CELSR1: variants seen among roughly 807,000 people sequenced by gnomAD.
The protein encoded by CELSR1 is adhesion G protein-coupled receptor C1.
A neutral mutation model predicts 249.1 loss-of-function variants in CELSR1; 110 were observed. The ratio of observed to expected loss-of-function variants is 0.44; its 90% CI spans 0.38 to 0.52. The LOEUF is 0.52. CELSR1 is among the 20% of genes least tolerant of loss of function. The pLI is 0.00. For missense variants in CELSR1, 4,109 were observed against 4,296.4 expected (o/e 0.96, Z 1.22); for synonymous variants, 2,113 against 1,900.0 (o/e 1.11, Z -2.92).
rs886653758 is a variant in CELSR1 at position 46,484,493 on chromosome 22, T to C, written c.3545-20148A>G. Among the ~76,000 whole-genome samples, 4 of 151,518 alleles carry C rather than the reference T, an allele frequency of 2.6e-5. No individual in the cohort carries two copies. The highest frequency in any genetic ancestry group is 9.7e-5 in the African/African-American group (4 of 41,244). On this transcript the variant is annotated intron_variant, in intron 1 of 34. Transcript: ENST00000674500. The surrounding 1 kb of genome is among the most constrained non-coding windows in gnomAD (Gnocchi z 4.5). ...AATTTCACAGAGACCTCTTTTGAAA[T>C]GCAAATACCAGGGAGAGGCTATATT...
intron 1 of CELSR1, among the ~76,000 whole-genome samples, chr22:46,479,445 T>C (rs1296663873): frequency 6.6e-6 from 1 of 152,054 alleles, no homozygotes; most frequent in Non-Finnish European, 1.5e-5. Context: ...CTCAAGCAGA[T>C]GCCTCGTCTT....
chr22:46,405,278 G>C (rs1242863110), intron 9 of CELSR1, among the ~76,000 whole-genome samples: 1 of 150,842 alleles, frequency 6.6e-6, no homozygotes, highest in African/African-American at 2.4e-5. Flanking sequence ...GGCTAACCCG[G>C]TGAAACCCTG....
chr22:46,439,469 A>T lies in CELSR1; in HGVS notation c.4184-58T>A, dbSNP rs1163116134. 4.8e-6 allele frequency: 7 copies of T among 1,464,794 alleles called. No individual in the cohort carries two copies. In the East Asian group the frequency reaches 1.7e-4, roughly 36 times the overall value. The allele number at this position is 1,464,794 out of a possible 1,614,324, so 90.7% of individuals were successfully genotyped here. On this transcript the variant is annotated intron_variant, in intron 2 of 34. Coordinates refer to ENST00000674500, the MANE Select transcript of CELSR1 (RefSeq NM_001378328.1). ...GTTACCGACCAGCCAGGGAAAAGCC[A>T]ACGAGCCTGTCGCAGACCCTGGACA...
At position 46,464,194 on chromosome 22, in the gene CELSR1, G is replaced by A. The variant is rs372330176; in HGVS notation, c.3696C>T (p.Ala1232=). 47 of 1,613,504 alleles carry A rather than the reference G, an allele frequency of 2.9e-5. No homozygotes were observed. The highest frequency in any genetic ancestry group is 3.4e-5 in the Non-Finnish European group (40 of 1,180,032). The part of the protein sequence containing the change: ...PLLALFVEGV[A]AVLSTTKDDV... ...CGTCCTTGGTGGTGGACAGCACGGC[G>A]GCCACCCCCTCCACGAAGAGGGCCA... The change falls in exon 2 of 35, where the codon GCC becomes GCT. Residue 1232 remains alanine, a synonymous_variant. Transcript: ENST00000674500. This position sits in a 1 kb window ranked among gnomAD's most constrained non-coding sequence, Gnocchi z 8.5.
rs562318508 is a variant in CELSR1, at chr22:46,529,129, G to A, written c.3544+4498C>T. 3.5e-4 allele frequency among the ~76,000 whole-genome samples: 53 copies of A among 151,598 alleles called. No individual in the cohort carries two copies. The South Asian group carries it at 0.01, about 30-fold the overall frequency. ...AAATACAAAAAAATTAGCTGGGTGTGGTGGCGGGTACCTGTAGTCCCAGCT... is the reference window on the plus strand; with the variant it reads ...AAATACAAAAAAATTAGCTGGGTGTAGTGGCGGGTACCTGTAGTCCCAGCT... On this transcript the variant is annotated intron_variant, in intron 1 of 34. Transcript: ENST00000674500.
At chr22:46,371,049 G>A (rs1471846700) in intron 25 of CELSR1, among the ~76,000 whole-genome samples, 2 of 152,210 alleles carry the variant, frequency 1.3e-5, no homozygotes, top group African/African-American at 2.4e-5. Flanking sequence ...CTTCATCTCA[G>A]CGTCTCTCAC....
intron 18 of CELSR1, among the ~76,000 whole-genome samples, chr22:46,388,364 TAAAG>T (rs1234873811): frequency 6.7e-6 from 1 of 149,458 alleles, no homozygotes; most frequent in African/African-American, 2.5e-5. Flanking sequence ...AAAAAAGAAA[TAAAG>T]AAAAAGAAAC....
At chr22:46,392,850 C>T (rs772841901) in intron 14 of CELSR1, among the ~76,000 whole-genome samples, 3 of 152,152 alleles carry the variant, frequency 2.0e-5, no homozygotes, top group African/African-American at 4.8e-5. Context: ...TGAGCCACCA[C>T]GCCCTGCCTA....
intron 9 of CELSR1, among the ~76,000 whole-genome samples, chr22:46,400,530 C>T (rs140636692): frequency 6.6e-6 from 1 of 151,988 alleles, no homozygotes; most frequent in African/African-American, 2.4e-5. Context: ...CCGGCTACTC[C>T]GCAGGCTAAG....
intron 1 of CELSR1, among the ~76,000 whole-genome samples, chr22:46,495,277 T>C (rs2080402713): frequency 6.6e-6 from 1 of 152,228 alleles, no homozygotes; most frequent in African/African-American, 2.4e-5. Context: ...GTTACTGTAC[T>C]GAGTACTGTA....
chr22:46,425,839 C>A (rs571329669), intron 5 of CELSR1, among the ~76,000 whole-genome samples: 1 of 151,846 alleles, frequency 6.6e-6, no homozygotes, highest in Non-Finnish European at 1.5e-5. Flanking sequence ...TGTTCTTATT[C>A]TAGGTTCTTG....
At chr22:46,474,453 C>A (rs1271555934) in intron 1 of CELSR1, among the ~76,000 whole-genome samples, 1 of 152,152 alleles carries the variant, frequency 6.6e-6, no homozygotes, top group African/African-American at 2.4e-5. Flanking sequence ...CGGCGGCCAG[C>A]ACCCACCCCA....
Position 46,517,471 on chromosome 22 carries a change from G to A in CELSR1, c.3544+16156C>T, listed in dbSNP as rs2080639931. On this transcript the variant is annotated intron_variant, in intron 1 of 34. Transcript: ENST00000674500. This position sits in a 1 kb window ranked among gnomAD's most constrained non-coding sequence, Gnocchi z 5.4. ...TTCCACGGGGCACAAGGCGGTATCT[G>A]GAGGGTAGAACCACAATGGCTGATG... 6.6e-6 allele frequency among the ~76,000 whole-genome samples: 1 copy of A among 152,214 alleles called. No individual in the cohort carries two copies. The highest frequency in any genetic ancestry group is 2.4e-5 in the African/African-American group (1 of 41,448).
rs1185426848 is a variant in CELSR1, at chr22:46,374,582, C to G, written c.7585-1525G>C. 2.6e-5 allele frequency among the ~76,000 whole-genome samples: 4 copies of G among 152,188 alleles called. No individual in the cohort carries two copies. Among genetic ancestry groups the G allele is most frequent in the Non-Finnish European group, 5.9e-5 (4 of 68,038 alleles). On this transcript the variant is annotated intron_variant, in intron 24 of 34. Transcript: ENST00000674500. This position sits in a 1 kb window ranked among gnomAD's most constrained non-coding sequence, Gnocchi z 4.3. ...CTTCTCCATGCTCAGCCGTGCGTGG[C>G]TGCCGGGACAGCGCTCACTCCGGCA...
rs1245677095 is a variant in CELSR1, at chr22:46,369,826, G to T, written c.7760-22C>A. ...AGTCCTGAACACAGCGGGGAGGAAG[G>T]GAAGGGTGAGGGCCACGTGCCCAGT... On this transcript the variant is annotated intron_variant, in intron 25 of 34. Coordinates refer to ENST00000674500, the MANE Select transcript of CELSR1 (RefSeq NM_001378328.1). 4 of 1,606,608 alleles carry T rather than the reference G, an allele frequency of 2.5e-6. No homozygotes were observed. In the African/African-American group the frequency reaches 5.3e-5, roughly 21 times the overall value.
At position 46,430,271 on chromosome 22, in the gene CELSR1, G is replaced by A. The variant is rs996317936; in HGVS notation, c.4611+3122C>T. Reference sequence around the variant, plus strand: ...CACCCTCTCCAGACTGCTGTATGCTGAATTTTTTCAAGTATGTTTTCTTCA... The same window carrying A: ...CACCCTCTCCAGACTGCTGTATGCTAAATTTTTTCAAGTATGTTTTCTTCA... On this transcript the variant is annotated intron_variant, in intron 5 of 34. Coordinates refer to ENST00000674500, the MANE Select transcript of CELSR1 (RefSeq NM_001378328.1). The surrounding 1 kb of genome is among the most constrained non-coding windows in gnomAD (Gnocchi z 4.6). 6.6e-6 allele frequency among the ~76,000 whole-genome samples: 1 copy of A among 152,222 alleles called. No homozygotes were observed.
chr22:46,467,828 A>G (rs2080113517), intron 1 of CELSR1, among the ~76,000 whole-genome samples: 2 of 151,956 alleles, frequency 1.3e-5, no homozygotes, highest in South Asian at 2.1e-4. Context: ...TCTCAAAAAA[A>G]AGAAAAAGAA....
rs1322441859 is a variant in CELSR1, at chr22:46,537,158, G to T, written c.13C>A (p.Pro5Thr). MAPP[P>T]PPVLPVLLLL... ...AGCAGCACGGGCAGCACGGGCGGCG[G>T]CGGCGGCGCCATGGCCCGGAGCCCG... Residue 5 changes from proline (P) to threonine (T), a missense_variant, in exon 1 of 35, where the codon CCG (proline) becomes ACG (threonine). Around this residue, in one of 7 missense-constraint regions of CELSR1, gnomAD observed 673 missense variants for 636.8 expected, o/e 1.06. Transcript: ENST00000674500. The surrounding 1 kb of genome is among the most constrained non-coding windows in gnomAD (Gnocchi z 5.8). The T allele has an allele frequency of 5.9e-6, 6 of 1,025,076 alleles. No homozygotes were observed. Among genetic ancestry groups the T allele is most frequent in the Non-Finnish European group, 7.0e-6 (6 of 857,922 alleles). 63.5% of individuals were successfully genotyped at this position (1,025,076 alleles called of 1,614,324 possible).
rs2078701461 is a variant in CELSR1, at chr22:46,361,285, CAT to C, written c.*1936_*1937del. ...AAAACCTCCAGTGTCTAATCTCTCC[CAT>C]AAAGTCTTAAGTAATAAAAATAGGT... On this transcript the variant is annotated 3_prime_UTR_variant, in exon 35 of 35. Coordinates refer to ENST00000674500, the MANE Select transcript of CELSR1 (RefSeq NM_001378328.1). 1 of 152,566 alleles carries C rather than the reference CAT, an allele frequency of 6.6e-6. No homozygotes were observed. Among genetic ancestry groups the C allele is most frequent in the African/African-American group, 2.4e-5 (1 of 41,452 alleles). 9.5% of individuals were successfully genotyped at this position (152,566 alleles called of 1,614,324 possible).
Sources: allele counts gnomAD v4.1 joint callset (sites outside exome capture counted in the v4.1 genomes callset), GRCh38; gene constraint gnomAD v4.1.1; regional missense constraint gnomAD v4.1.1; non-coding constraint Gnocchi (gnomAD v3.1); transcripts MANE v1.5; gene names NCBI Gene and HGNC (gene_info 2026-07-23, HGNC 2026-07-21).